The following UBR3 variants were observed in gnomAD, a reference collection of about 807,000 sequenced individuals.
UBR3 encodes the protein ubiquitin protein ligase E3 component n-recognin 3.
A neutral mutation model predicts 243.2 loss-of-function variants in UBR3; 85 were observed. That is an observed-to-expected ratio of 0.35 (90% CI 0.29 to 0.42). The LOEUF is 0.42. UBR3 is among the 10% of genes least tolerant of loss of function. The probability of loss-of-function intolerance (pLI) is 1.00; values close to 1 mark genes in which losing one functional copy is unlikely to be tolerated. For missense variants in UBR3, 1,686 were observed against 2,300.8 expected (o/e 0.73, Z 5.47); for synonymous variants, 748 against 799.8 (o/e 0.94, Z 1.09).
At position 170,067,770 on chromosome 2, in the gene UBR3, ATTT is replaced by A. The variant is rs36071079; in HGVS notation, c.5020-5641_5020-5639del. On this transcript the variant is annotated intron_variant, in intron 35 of 38. Coordinates refer to ENST00000272793, the MANE Select transcript of UBR3 (RefSeq NM_172070.4). ...TCAAAGCAGAAATCACAAGGAAATA[ATTT>A]TTTTTTTTTTTTTTTTGAGACAGTT... Among the ~76,000 whole-genome samples, 342 of 138,454 alleles carry A rather than the reference ATTT, an allele frequency of 2.5e-3. 4 individuals are homozygous for A. The highest frequency in any genetic ancestry group is 5.7e-3 in the African/African-American group (212 of 37,468). 90.8% of individuals were successfully genotyped at this position (138,454 alleles called of 152,430 possible).
chr2:169,892,173 T>C (rs1473747254), intron 6 of UBR3, among the ~76,000 whole-genome samples: 1 of 152,128 alleles, frequency 6.6e-6, no homozygotes, highest in Non-Finnish European at 1.5e-5. Flanking sequence ...TAGGAAAGGG[T>C]ATGGAATTTG....
intron 30 of UBR3, among the ~76,000 whole-genome samples, chr2:170,028,646 C>CA (rs146272492): frequency 2.1e-5 from 3 of 144,652 alleles, no homozygotes; most frequent in African/African-American, 7.6e-5. Context: ...TCATTTATAA[C>CA]AAAAAAAGAA....
intron 24 of UBR3, among the ~76,000 whole-genome samples, chr2:169,966,909 C>T (rs58387255): frequency 0.097 from 14,732 of 151,798 alleles, 853 homozygotes; most frequent in African/African-American, 0.16. Context: ...TGATAATAAA[C>T]ATTATGTACA....
chr2:169,878,663 A>AG, intron 5 of UBR3, 89 bp downstream of exon 5: 1 of 1,195,526 alleles, frequency 8.4e-7, no homozygotes, highest in Non-Finnish European at 1.2e-6. Flanking sequence ...TATAGTTCTG[A>AG]AACTGTATAG....
chr2:169,976,435 G>A (rs891041805), intron 24 of UBR3, among the ~76,000 whole-genome samples: 4 of 151,978 alleles, frequency 2.6e-5, no homozygotes, highest in African/African-American at 9.7e-5. Context: ...TTTCTTGTAA[G>A]TTTGGTCTAG....
At chr2:169,879,556 G>T (rs892581283) in intron 5 of UBR3, among the ~76,000 whole-genome samples, 18 of 152,062 alleles carry the variant, frequency 1.2e-4, no homozygotes, top group Admixed American at 8.5e-4. Context: ...TTGACTTCTG[G>T]CTCCTTTACC....
In UBR3 at chr2:169,978,211, A is replaced by G. The variant is rs535739845; in HGVS notation, c.3635-8434A>G. Reference sequence around the variant, plus strand: ...TCTCCACAGTGGGGAGACTTACCCAAGGGGATCCCTCTTGGTGTCATGTCT... The same window carrying G: ...TCTCCACAGTGGGGAGACTTACCCAGGGGGATCCCTCTTGGTGTCATGTCT... On this transcript the variant is annotated intron_variant, in intron 24 of 38. Coordinates refer to ENST00000272793, the MANE Select transcript of UBR3 (RefSeq NM_172070.4). Among the ~76,000 whole-genome samples, 3 of 152,202 alleles carry G rather than the reference A, an allele frequency of 2.0e-5. No homozygotes were observed. The South Asian group carries it at 6.2e-4, about 32-fold the overall frequency.
At chr2:169,903,832 G>T (rs920017399) in intron 8 of UBR3, among the ~76,000 whole-genome samples, 1 of 152,100 alleles carries the variant, frequency 6.6e-6, no homozygotes, top group Non-Finnish European at 1.5e-5. Context: ...TCCAGCGTGG[G>T]CAACATAGTG....
rs71006067 is a variant in UBR3, at chr2:170,066,993, T to TAATAATAATAATAAAAAA, written c.5019+5552_5019+5553insTAATAATAATAAAAAAAA. Among the ~76,000 whole-genome samples, 857 of 144,250 alleles carry TAATAATAATAATAAAAAA rather than the reference T, an allele frequency of 5.9e-3. 10 individuals are homozygous for TAATAATAATAATAAAAAA. The highest frequency in any genetic ancestry group is 0.02 in the African/African-American group (800 of 39,216). The allele number at this position is 144,250 out of a possible 152,430, so 94.6% of individuals were successfully genotyped here. On this transcript the variant is annotated intron_variant, in intron 35 of 38. Coordinates refer to ENST00000272793, the MANE Select transcript of UBR3 (RefSeq NM_172070.4). ...ATAATAATAATAATAATAATAATAA[T>TAATAATAATAATAAAAAA]AAACTTCATTATAACTGAGAGGTAG...
At chr2:169,838,387 TTGTGTGTGTGTGTGTGTGTGTGTGTG>T (rs544974959) in intron 1 of UBR3, among the ~76,000 whole-genome samples, 22 of 114,388 alleles carry the variant, frequency 1.9e-4, no homozygotes, top group East Asian at 5.0e-4. Flanking sequence ...ATTAAGGCAT[TTGTGTGTGTGTGTGTGTGTGTGTGTG>T]TGTGTGTGTG....
intron 25 of UBR3, 44 bp downstream of exon 25, chr2:169,986,838 A>C (rs765134168): frequency 5.0e-6 from 8 of 1,597,034 alleles, no homozygotes; most frequent in Non-Finnish European, 6.0e-6. Context: ...TTAGAGCTGA[A>C]GTATATACAA....
At position 169,867,779 on chromosome 2, in the gene UBR3, A is replaced by G. The variant is rs1335436912; in HGVS notation, c.546-4457A>G. Among the ~76,000 whole-genome samples, 4 of 152,326 alleles carry G rather than the reference A, an allele frequency of 2.6e-5. No individual in the cohort carries two copies. The East Asian group carries it at 7.7e-4, about 29-fold the overall frequency. The stretch of plus-strand genomic sequence containing the variant: ...TAGGATGTTGAACCTTCCAGTGCCA[A>G]TCATGCAGACTCAACATTTTTAAAG... On this transcript the variant is annotated intron_variant, in intron 1 of 38. Coordinates refer to ENST00000272793, the MANE Select transcript of UBR3 (RefSeq NM_172070.4).
chr2:169,837,907 T>C (rs960860498), intron 1 of UBR3, among the ~76,000 whole-genome samples: 8 of 152,238 alleles, frequency 5.3e-5, no homozygotes, highest in African/African-American at 1.9e-4. Context: ...GTCACCTCTA[T>C]CACAGACCAA....
At chr2:169,982,243 C>T (rs1439220660) in intron 24 of UBR3, among the ~76,000 whole-genome samples, 1 of 152,002 alleles carries the variant, frequency 6.6e-6, no homozygotes, top group African/African-American at 2.4e-5. Flanking sequence ...TTGAGGGCAC[C>T]GAATACATCA....
chr2:170,012,175 T>C (rs1386300975), intron 29 of UBR3, among the ~76,000 whole-genome samples: 4 of 152,026 alleles, frequency 2.6e-5, no homozygotes, highest in Non-Finnish European at 4.4e-5. Context: ...TACCAAATTA[T>C]GAATCTTTTT....
chr2:170,002,534 A>G (rs564656288), intron 27 of UBR3, among the ~76,000 whole-genome samples: 5 of 152,148 alleles, frequency 3.3e-5, no homozygotes, highest in Non-Finnish European at 7.4e-5. Flanking sequence ...CTGTTCCCTG[A>G]TAAATGAGTC....
chr2:169,999,200 A>G (rs2089604443), intron 26 of UBR3, among the ~76,000 whole-genome samples: 2 of 152,230 alleles, frequency 1.3e-5, no homozygotes, highest in African/African-American at 2.4e-5. Flanking sequence ...TTATTAACGG[A>G]CTACCAATCA....
intron 5 of UBR3, among the ~76,000 whole-genome samples, chr2:169,887,558 TAA>T (rs1295695428): frequency 6.6e-6 from 1 of 152,228 alleles, no homozygotes; most frequent in Non-Finnish European, 1.5e-5. Context: ...TTATAACTGA[TAA>T]TATAGTAATC....
In UBR3 at chr2:169,944,566, C is replaced by T. The variant is rs74706802; in HGVS notation, c.2806-1722C>T. Among the ~76,000 whole-genome samples the T allele has an allele frequency of 3.7e-3, 565 of 152,202 alleles. 3 individuals are homozygous for T. The highest frequency in any genetic ancestry group is 0.013 in the African/African-American group (530 of 41,558). On this transcript the variant is annotated intron_variant, in intron 20 of 38. Transcript: ENST00000272793. ...TTTTACTACTAGTAATAATAAAGTT[C>T]TCCATTGACATTGCGTTGGCAAGTC...
Sources: allele counts gnomAD v4.1 joint callset (sites outside exome capture counted in the v4.1 genomes callset), GRCh38; gene constraint gnomAD v4.1.1; transcripts MANE v1.5; gene names NCBI Gene and HGNC (gene_info 2026-07-23, HGNC 2026-07-21).